The following KLF9 variants were observed in gnomAD, a reference collection of about 807,000 sequenced individuals.
KLF9 encodes Krueppel-like factor 9.
A neutral mutation model predicts 17.3 loss-of-function variants in KLF9; 2 were observed. That is an observed-to-expected ratio of 0.12 (90% CI 0.05 to 0.36). The LOEUF (loss-of-function observed/expected upper bound fraction) is 0.36, where lower values mean the gene tolerates loss of function less well. Ranked by LOEUF, KLF9 falls within the 10% of genes least tolerant of loss-of-function variation. The probability of loss-of-function intolerance (pLI) is 1.00; values close to 1 mark genes in which losing one functional copy is unlikely to be tolerated. For missense variants in KLF9, 226 were observed against 333.2 expected, an observed-to-expected ratio of 0.68 and a Z score of 2.51; for synonymous variants, 138 against 139.2, an observed-to-expected ratio of 0.99 and a Z score of 0.06.
rs547672331 is a variant in KLF9 at position 70,402,967 on chromosome 9, T to C, written c.505+9892A>G. ...GAGTTCAAGACAAGCCTGACCAACC[T>C]GGTGAAAACCCATCTCTACTAAAAA... On this transcript the variant is annotated intron_variant, in intron 1 of 1. Transcript: ENST00000377126. Among the ~76,000 whole-genome samples the C allele has an allele frequency of 3.3e-5, 5 of 152,148 alleles. No homozygotes were observed. In the South Asian group the frequency reaches 6.2e-4, roughly 19 times the overall value.
rs2037103626 is a variant in KLF9 at position 70,385,441 on chromosome 9, TG to T, written c.*2334del. On this transcript the variant is annotated 3_prime_UTR_variant, in exon 2 of 2. Coordinates refer to ENST00000377126, the MANE Select transcript of KLF9 (RefSeq NM_001206.4). ...AACAACTTTTTTGGGAAGTAAATTG[TG>T]CATTTTTTTAAAACAAGTTGCTGCA... 3 of 152,772 alleles carry T rather than the reference TG, an allele frequency of 2.0e-5. No individual in the cohort carries two copies. The highest frequency in any genetic ancestry group is 6.5e-5 in the Admixed American group (1 of 15,300). The allele number at this position is 152,772 out of a possible 1,614,324, so 9.5% of individuals were successfully genotyped here.
intron 1 of KLF9, among the ~76,000 whole-genome samples, chr9:70,410,982 G>A (rs1346484863): frequency 6.6e-6 from 1 of 152,196 alleles, no homozygotes; most frequent in Non-Finnish European, 1.5e-5. Context: ...AGCACTTAAA[G>A]CTGAATGAAC....
chr9:70,391,225 T>C (rs1177621215), intron 1 of KLF9, among the ~76,000 whole-genome samples: 1 of 152,206 alleles, frequency 6.6e-6, no homozygotes, highest in Admixed American at 6.5e-5. Flanking sequence ...GTTAGGAAGA[T>C]GGCTTTCTAG....
chr9:70,403,692 T>C (rs1410734704), intron 1 of KLF9, among the ~76,000 whole-genome samples: 4 of 152,202 alleles, frequency 2.6e-5, no homozygotes, highest in South Asian at 2.1e-4. Flanking sequence ...TTCATTTTTT[T>C]TATTAAGCCA....
In KLF9 at chr9:70,413,016, A is replaced by T; in HGVS notation, c.348T>A (p.Asp116Glu). Residue 116 changes from aspartate to glutamate, a missense_variant, in exon 1 of 2, where the codon GAT (aspartate) becomes GAA (glutamate). Physicochemically the swap from Asp to Glu is conservative, Grantham distance 45. Transcript: ENST00000377126. This position sits in a 1 kb window ranked among gnomAD's most constrained non-coding sequence, Gnocchi z 5.6. The part of the protein sequence containing the change: ...SPSHSPEERQ[D>E]PGSAPSPLSL... ...AGAGCGGGCTGGGCGCGCTGCCAGGATCCTGTCTCTCCTCCGGGCTGTGGG... is the reference window on the plus strand; with the variant it reads ...AGAGCGGGCTGGGCGCGCTGCCAGGTTCCTGTCTCTCCTCCGGGCTGTGGG... The T allele has an allele frequency of 6.2e-7, 1 of 1,614,070 alleles. No homozygotes were observed. The highest frequency in any genetic ancestry group is 8.5e-7 in the Non-Finnish European group (1 of 1,180,004).
intron 1 of KLF9, among the ~76,000 whole-genome samples, chr9:70,409,493 T>A (rs990588486): frequency 6.6e-6 from 1 of 151,928 alleles, no homozygotes; most frequent in Non-Finnish European, 1.5e-5. Context: ...TAGAATGTAG[T>A]TGTTTCCTTA....
At chr9:70,410,447 G>A (rs941727623) in intron 1 of KLF9, among the ~76,000 whole-genome samples, 4 of 152,206 alleles carry the variant, frequency 2.6e-5, no homozygotes, top group African/African-American at 7.2e-5. Context: ...CAACTGTGTC[G>A]TTCCTCCCAG....
intron 1 of KLF9, among the ~76,000 whole-genome samples, chr9:70,391,985 T>G (rs1319589153): frequency 6.6e-6 from 1 of 152,212 alleles, no homozygotes; most frequent in Non-Finnish European, 1.5e-5. Flanking sequence ...AAATATTTAC[T>G]ATCAGGACCT....
In KLF9 at chr9:70,412,987, A is replaced by T; in HGVS notation, c.377T>A (p.Leu126His). The T allele has an allele frequency of 2.5e-6, 4 of 1,614,086 alleles. No homozygotes were observed. Among genetic ancestry groups the T allele is most frequent in the Admixed American group, 1.7e-5 (1 of 60,022 alleles). Residue 126 changes from leucine to histidine, a missense_variant, in exon 1 of 2, where the codon CTC becomes CAC. Coordinates refer to ENST00000377126, the MANE Select transcript of KLF9 (RefSeq NM_001206.4). ...CTTCGCAGCCACTCCAGGATGGAGGAGGGAGAGCGGGCTGGGCGCGCTGCC... is the reference window on the plus strand; with the variant it reads ...CTTCGCAGCCACTCCAGGATGGAGGTGGGAGAGCGGGCTGGGCGCGCTGCC... ...DPGSAPSPLSLLHPGVAAKGK... is the reference protein window; with the variant it reads ...DPGSAPSPLSHLHPGVAAKGK...
chr9:70,409,202 A>ATATATATACATATATG (rs1564089451), intron 1 of KLF9, among the ~76,000 whole-genome samples: 1 of 89,380 alleles, frequency 1.1e-5, no homozygotes, highest in African/African-American at 6.5e-5. Context: ...ATGTATATGT[A>ATATATATACATATATG]TATATATATA....
chr9:70,387,806 T>C lies in KLF9; in HGVS notation c.705A>G (p.Arg235=), dbSNP rs144617096. The C allele has an allele frequency of 3.5e-5, 56 of 1,613,884 alleles. No individual in the cohort carries two copies. The highest frequency in any genetic ancestry group is 4.7e-5 in the Non-Finnish European group (56 of 1,180,004). ...HTEFHPSMIK[R]SKKALANAL ...AAGCGTTGGCCAGCGCCTTTTTCGA[T>C]CGCTTGATCATGCTGGGGTGGAACT... The change falls in exon 2 of 2, where the codon CGA becomes CGG. Residue 235 remains arginine (R), a synonymous_variant. Transcript: ENST00000377126.
chr9:70,409,015 CATATATGTATATATAT>C (rs1262520749), intron 1 of KLF9, among the ~76,000 whole-genome samples: 3 of 88,596 alleles, frequency 3.4e-5, no homozygotes, highest in Non-Finnish European at 4.7e-5. Context: ...TATATATACA[CATATATGTATATATAT>C]ATATGTGTAT....
At chr9:70,400,753 G>A (rs1000720918) in intron 1 of KLF9, among the ~76,000 whole-genome samples, 1 of 152,120 alleles carries the variant, frequency 6.6e-6, no homozygotes, top group Non-Finnish European at 1.5e-5. Flanking sequence ...CAGTATGGCT[G>A]CAGTGGCCAT....
chr9:70,395,709 C>T (rs545535317), intron 1 of KLF9, among the ~76,000 whole-genome samples: 1 of 152,036 alleles, frequency 6.6e-6, no homozygotes, highest in South Asian at 2.1e-4. Context: ...TTTGGGAAGT[C>T]GAGGCAGGCA....
At chr9:70,388,130 C>G (rs2037127127) in intron 1 of KLF9, 125 bp from the exon 2 acceptor site, 3 of 757,642 alleles carry the variant, frequency 4.0e-6, no homozygotes, top group African/African-American at 1.7e-5. Flanking sequence ...TTATGTGTCC[C>G]CCTCCCCAAA....
chr9:70,389,057 C>G (rs957568906), intron 1 of KLF9, among the ~76,000 whole-genome samples: 8 of 152,090 alleles, frequency 5.3e-5, no homozygotes, highest in Admixed American at 4.6e-4. Flanking sequence ...AGGAGAATTG[C>G]TTGAACCCAG....
intron 1 of KLF9, among the ~76,000 whole-genome samples, chr9:70,409,060 G>A (rs375969766): frequency 0.019 from 1,440 of 77,646 alleles, 28 homozygotes; most frequent in Non-Finnish European, 0.032. Context: ...ACATATATGT[G>A]TATATATATG....
Position 70,412,918 on chromosome 9 carries a change from C to G in KLF9, c.446G>C (p.Gly149Ala). The G allele has an allele frequency of 6.2e-7, 1 of 1,613,316 alleles. No homozygotes were observed. The highest frequency in any genetic ancestry group is 1.1e-5 in the South Asian group (1 of 90,928). The change falls in exon 1 of 2, where the codon GGC (glycine) becomes GCC (alanine). Residue 149 changes from glycine (G) to alanine (A), a missense_variant. Transcript: ENST00000377126. ...SEKRHKCPYS[G>A]CGKVYGKSSH... ...GGATTTTCCATAGACTTTCCCACAG[C>G]CACTGTAGGGGCACTTGTGCCTCTT...
At chr9:70,395,765 G>A (rs1487854614) in intron 1 of KLF9, among the ~76,000 whole-genome samples, 3 of 152,024 alleles carry the variant, frequency 2.0e-5, no homozygotes, top group South Asian at 2.1e-4. Context: ...GTAACATGGC[G>A]AAACCTCATC....
Sources: allele counts gnomAD v4.1 joint callset (sites outside exome capture counted in the v4.1 genomes callset), GRCh38; gene constraint gnomAD v4.1.1; non-coding constraint Gnocchi (gnomAD v3.1); transcripts MANE v1.5; gene names NCBI Gene and HGNC (gene_info 2026-07-23, HGNC 2026-07-21).